The following STPG2 variants were observed in gnomAD, a reference collection of about 807,000 sequenced individuals.
STPG2 encodes the protein sperm tail PG-rich repeat containing 2, also known as sperm-tail PG-rich repeat-containing protein 2.
A neutral mutation model predicts 54.2 loss-of-function variants in STPG2; 56 were observed. The ratio of observed to expected loss-of-function variants is 1.03; its 90% confidence interval spans 0.83 to 1.29. STPG2 has a LOEUF of 1.29. Ranked by LOEUF, STPG2 falls within the 50% of genes most tolerant of loss-of-function variation. STPG2 has a pLI of 0.00. For synonymous variants in STPG2, 200 were observed against 181.8 expected, an observed-to-expected ratio of 1.10 and a Z score of -0.81; for missense variants, 596 against 544.9, an observed-to-expected ratio of 1.09 and a Z score of -0.93.
intron 4 of STPG2, among the ~76,000 whole-genome samples, chr4:97,456,186 CGG>C (rs769228263): frequency 1.3e-5 from 2 of 152,094 alleles, no homozygotes; most frequent in African/African-American, 2.4e-5. Flanking sequence ...CTACCCGAAA[CGG>C]GGTAATTTAT....
At chr4:97,646,264 T>C (rs1452187403) in intron 10 of STPG2, among the ~76,000 whole-genome samples, 1 of 152,152 alleles carries the variant, frequency 6.6e-6, no homozygotes, top group African/African-American at 2.4e-5. Context: ...TGCAGGAAAG[T>C]AGGATTTATT....
At chr4:98,081,826 A>C (rs1738352065) in intron 5 of STPG2, among the ~76,000 whole-genome samples, 1 of 152,212 alleles carries the variant, frequency 6.6e-6, no homozygotes, top group Non-Finnish European at 1.5e-5. Flanking sequence ...GTAGGGATTA[A>C]AGCTTGAGCT....
chr4:97,998,728 C>T (rs921079082), intron 5 of STPG2, among the ~76,000 whole-genome samples: 2 of 152,036 alleles, frequency 1.3e-5, no homozygotes, highest in African/African-American at 4.8e-5. Flanking sequence ...ATTATTTGTA[C>T]CTGGTGTCAG....
intron 4 of STPG2, among the ~76,000 whole-genome samples, chr4:98,108,494 A>C (rs1739250322): frequency 6.6e-6 from 1 of 152,168 alleles, no homozygotes; most frequent in African/African-American, 2.4e-5. Context: ...ATATTCTCGG[A>C]CTTACACTGA....
chr4:97,913,386 G>C (rs1020818014), intron 8 of STPG2, among the ~76,000 whole-genome samples: 5 of 152,106 alleles, frequency 3.3e-5, no homozygotes, highest in Non-Finnish European at 2.9e-5. Flanking sequence ...GATTGGTTTT[G>C]GATGCATTAA....
intron 4 of STPG2, among the ~76,000 whole-genome samples, chr4:97,533,411 ATTGT>A (rs1296688380): frequency 6.6e-6 from 1 of 151,948 alleles, no homozygotes; most frequent in East Asian, 1.9e-4. Flanking sequence ...TGTTGTCGTT[ATTGT>A]TTCTTAATTC....
In STPG2 at chr4:97,744,492, A is replaced by G. The variant is rs182461873; in HGVS notation, c.1205-31678T>C. ...TTGGCAATATAATTTTTTATTTTTA[A>G]TAATAGTTTTAATTGGTTTTGCTTA... On this transcript the variant is annotated intron_variant, in intron 9 of 10. Coordinates refer to ENST00000295268, the MANE Select transcript of STPG2 (RefSeq NM_174952.3). Among the ~76,000 whole-genome samples the G allele has an allele frequency of 5.9e-3, 898 of 151,358 alleles. 5 individuals carry two copies. The highest frequency in any genetic ancestry group is 0.02 in the Middle Eastern group (6 of 294).
intron 9 of STPG2, among the ~76,000 whole-genome samples, chr4:97,750,629 G>A (rs942477194): frequency 6.6e-6 from 1 of 151,546 alleles, no homozygotes; most frequent in Non-Finnish European, 1.5e-5. Flanking sequence ...TAAAAAGTGA[G>A]AAAAAGAACA....
chr4:97,927,679 G>C (rs1435927473), intron 8 of STPG2, among the ~76,000 whole-genome samples: 1 of 152,006 alleles, frequency 6.6e-6, no homozygotes, highest in Non-Finnish European at 1.5e-5. Flanking sequence ...CCAGAGGAAA[G>C]TGCCATGAAA....
Position 97,840,921 on chromosome 4 carries a change from C to A in STPG2, c.1056G>T (p.Ala352=), listed in dbSNP as rs149484886. ...TMKVPDMVIP[A]PGSYDVHKSY... ...ATTTGTGAACATCATAGCTGCCTGGCGCTGGAATAACCTGAAAAAAAATTT... is the reference window on the plus strand; with the variant it reads ...ATTTGTGAACATCATAGCTGCCTGGAGCTGGAATAACCTGAAAAAAAATTT... The change falls in exon 9 of 11, where the codon GCG becomes GCT. Residue 352 remains alanine (A), a synonymous_variant. Transcript: ENST00000295268. 68 of 1,609,748 alleles carry A rather than the reference C, an allele frequency of 4.2e-5. No homozygotes were observed. The highest frequency in any genetic ancestry group is 5.5e-5 in the Non-Finnish European group (65 of 1,177,754).
chr4:97,626,725 A>G (rs1298137184), intron 10 of STPG2, among the ~76,000 whole-genome samples: 1 of 151,874 alleles, frequency 6.6e-6, no homozygotes, highest in African/African-American at 2.4e-5. Context: ...TCATTTTTAG[A>G]TAATTTTAAT....
At chr4:97,616,287 G>T (rs1204997287) in intron 10 of STPG2, among the ~76,000 whole-genome samples, 1 of 151,108 alleles carries the variant, frequency 6.6e-6, no homozygotes, top group Non-Finnish European at 1.5e-5. Context: ...CTTTTAGTGA[G>T]ATCAAGAAGA....
At chr4:97,565,371 T>G (rs114560727) in intron 10 of STPG2, among the ~76,000 whole-genome samples, 5,959 of 152,022 alleles carry the variant, frequency 0.039, 372 homozygotes, top group African/African-American at 0.14. Flanking sequence ...TCTTTTCCCT[T>G]GGTTTGAATT....
chr4:98,071,901 A>G lies in STPG2; in HGVS notation c.612+34052T>C, dbSNP rs568494767. ...AGAATGGCAATCATTAAAAAGTCAA[A>G]AAAACAACAGATGCTGGCAAGGTTG... On this transcript the variant is annotated intron_variant, in intron 5 of 10. Transcript: ENST00000295268. Among the ~76,000 whole-genome samples the G allele has an allele frequency of 2.0e-5, 3 of 152,292 alleles. No homozygotes were observed. In the South Asian group the frequency reaches 6.2e-4, roughly 32 times the overall value.
intron 10 of STPG2, among the ~76,000 whole-genome samples, chr4:97,660,089 G>T (rs1471196991): frequency 6.7e-6 from 1 of 150,194 alleles, no homozygotes; most frequent in South Asian, 2.1e-4. Context: ...TGCAAGCTCC[G>T]CCTCCCGGGT....
chr4:98,063,916 G>C (rs1737744341), intron 5 of STPG2, among the ~76,000 whole-genome samples: 1 of 151,756 alleles, frequency 6.6e-6, no homozygotes, highest in African/African-American at 2.4e-5. Context: ...GTGGTGGTGT[G>C]CACATGGGTA....
chr4:98,135,664 G>A (rs1049025831), intron 1 of STPG2, among the ~76,000 whole-genome samples: 1 of 151,706 alleles, frequency 6.6e-6, no homozygotes, highest in Non-Finnish European at 1.5e-5. Context: ...GAGAAGAAGG[G>A]AAGAGGAGAG....
intron 8 of STPG2, among the ~76,000 whole-genome samples, chr4:97,861,606 G>A (rs995168811): frequency 2.4e-4 from 36 of 152,042 alleles, no homozygotes; most frequent in Non-Finnish European, 3.8e-4. Flanking sequence ...CAACTTACGC[G>A]TCCATCAGGA....
intron 10 of STPG2, among the ~76,000 whole-genome samples, chr4:97,620,216 G>A (rs1313758768): frequency 6.6e-6 from 1 of 152,154 alleles, no homozygotes; most frequent in Non-Finnish European, 1.5e-5. Flanking sequence ...TCAATGCTTA[G>A]GATAATAACT....
Sources: gnomAD v4.1 joint callset for allele counts (sites outside exome capture counted in the v4.1 genomes callset) on GRCh38, gnomAD v4.1.1 for gene constraint, MANE v1.5 for transcripts, NCBI Gene and HGNC (gene_info 2026-07-23, HGNC 2026-07-21) for gene names.